The following ARL6IP6 variants were observed in gnomAD, a reference collection of about 807,000 sequenced individuals.
The protein encoded by ARL6IP6 is ADP-ribosylation factor-like protein 6-interacting protein 6.
In ARL6IP6, 22 loss-of-function variants were observed where a neutral mutation model predicts 21.5. The observed-to-expected ratio is 1.02, with a 90% CI of 0.73 to 1.46. The LOEUF (loss-of-function observed/expected upper bound fraction) is 1.46. Ranked by LOEUF, ARL6IP6 falls within the 40% of genes most tolerant of loss-of-function variation. The pLI, the probability that ARL6IP6 is intolerant of heterozygous loss-of-function variation, is 0.00. For missense variants in ARL6IP6, 388 were observed against 299.8 expected (o/e 1.29, Z -2.17); for synonymous variants, 164 against 125.3 (o/e 1.31, Z -2.06).
rs376028218 is a variant in ARL6IP6, at chr2:152,735,030, G to C, written c.491G>C (p.Gly164Ala). The change falls in exon 3 of 4, where the codon GGA becomes GCA. Residue 164 changes from glycine to alanine, a missense_variant. Transcript: ENST00000326446. ...CTACTTATAATATCCCTAACTGCTG[G>C]ATTCTCCTGTTGCAGCTTTTCTTGG... ...WTLLIISLTAGFSCCSFSWTV... is the reference protein window; with the variant it reads ...WTLLIISLTAAFSCCSFSWTV... 2 of 1,613,134 alleles carry C rather than the reference G, an allele frequency of 1.2e-6. No individual in the cohort carries two copies. Among genetic ancestry groups the C allele is most frequent in the African/African-American group, 2.7e-5 (2 of 74,852 alleles).
At chr2:152,717,684 G>A, upstream of ARL6IP6, 1 of 1,408,754 alleles carries the variant, frequency 7.1e-7, no homozygotes, top group Non-Finnish European at 9.2e-7. Context: ...GTCCTCCGTC[G>A]GGAAAACTCT....
chr2:152,740,713 G>A (rs993764129), intron 3 of ARL6IP6, among the ~76,000 whole-genome samples: 3 of 151,010 alleles, frequency 2.0e-5, no homozygotes, highest in African/African-American at 7.3e-5. Context: ...CAAAAGGATT[G>A]CTTGAGCCCA....
At chr2:152,719,775 C>CTTTTTTTTTTA in intron 1 of ARL6IP6, 1 of 173,338 alleles carries the variant, frequency 5.8e-6, no homozygotes, top group South Asian at 6.3e-5. Context: ...AAAAAAAAAA[C>CTTTTTTTTTTA]AAAAGAACTT....
intron 3 of ARL6IP6, among the ~76,000 whole-genome samples, chr2:152,748,682 G>A (rs571276066): frequency 2.6e-5 from 4 of 152,316 alleles, no homozygotes; most frequent in South Asian, 2.1e-4. Context: ...AGCACAGAGC[G>A]CTTTCTGCTT....
At chr2:152,758,514 A>G (rs1031152749) in intron 3 of ARL6IP6, among the ~76,000 whole-genome samples, 5 of 152,190 alleles carry the variant, frequency 3.3e-5, no homozygotes, top group African/African-American at 1.2e-4. Context: ...ACAAAGCATT[A>G]TACCTATTTT....
chr2:152,738,445 C>A (rs1044654951), intron 3 of ARL6IP6, among the ~76,000 whole-genome samples: 6 of 152,224 alleles, frequency 3.9e-5, no homozygotes, highest in Non-Finnish European at 8.8e-5. Flanking sequence ...GAGAGGTTCT[C>A]CATGAGGGCT....
intron 3 of ARL6IP6, among the ~76,000 whole-genome samples, chr2:152,758,213 T>C (rs575669872): frequency 6.6e-6 from 1 of 152,254 alleles, no homozygotes; most frequent in African/African-American, 2.4e-5. Context: ...TTATACCTAA[T>C]ACAATGTAAA....
intron 2 of ARL6IP6, among the ~76,000 whole-genome samples, chr2:152,722,880 C>T (rs1205494031): frequency 6.6e-6 from 1 of 152,198 alleles, no homozygotes; most frequent in Non-Finnish European, 1.5e-5. Flanking sequence ...TGCATTCCAT[C>T]CTCAGCAACA....
At chr2:152,757,226 C>A (rs1369902757) in intron 3 of ARL6IP6, among the ~76,000 whole-genome samples, 7 of 152,124 alleles carry the variant, frequency 4.6e-5, no homozygotes, top group Admixed American at 4.6e-4. Flanking sequence ...ACCTCAAGAT[C>A]TGCAGGAGGT....
At chr2:152,750,969 G>GC (rs1277869696) in intron 3 of ARL6IP6, among the ~76,000 whole-genome samples, 1 of 152,098 alleles carries the variant, frequency 6.6e-6, no homozygotes, top group Non-Finnish European at 1.5e-5. Context: ...AAATATATAA[G>GC]CCTTGTAAAT....
At chr2:152,752,084 G>A (rs1282356086) in intron 3 of ARL6IP6, among the ~76,000 whole-genome samples, 1 of 152,088 alleles carries the variant, frequency 6.6e-6, no homozygotes, top group Non-Finnish European at 1.5e-5. Flanking sequence ...TTCTGATCAG[G>A]CTTATTCTTC....
At chr2:152,754,046 G>GTT (rs369786630) in intron 3 of ARL6IP6, among the ~76,000 whole-genome samples, 11 of 143,932 alleles carry the variant, frequency 7.6e-5, no homozygotes, top group African/African-American at 1.8e-4. Context: ...TTTGTTTTTT[G>GTT]TTTTTTTTTT....
At chr2:152,718,491 C>A (rs1399437502), upstream of ARL6IP6, 2 of 1,319,738 alleles carry the variant, frequency 1.5e-6, no homozygotes, top group African/African-American at 1.5e-5. Flanking sequence ...GCCGCCCACC[C>A]TTGCTCTCCG....
At chr2:152,737,024 A>G (rs1559232882) in intron 3 of ARL6IP6, among the ~76,000 whole-genome samples, 4 of 152,192 alleles carry the variant, frequency 2.6e-5, no homozygotes, top group Non-Finnish European at 5.9e-5. Context: ...ACAGCCCTCT[A>G]TTGGTTAAAA....
chr2:152,759,386 C>T (rs1701729170), intron 3 of ARL6IP6, among the ~76,000 whole-genome samples: 1 of 152,088 alleles, frequency 6.6e-6, no homozygotes, highest in African/African-American at 2.4e-5. Context: ...AAACACACCG[C>T]TAATTAATGA....
intron 1 of ARL6IP6, among the ~76,000 whole-genome samples, chr2:152,719,333 A>T (rs925709656): frequency 1.3e-5 from 2 of 152,206 alleles, no homozygotes; most frequent in African/African-American, 4.8e-5. Flanking sequence ...AAAATGCGAA[A>T]CACCCACCAT....
chr2:152,739,317 A>C (rs993047815), intron 3 of ARL6IP6, among the ~76,000 whole-genome samples: 1 of 152,050 alleles, frequency 6.6e-6, no homozygotes, highest in Non-Finnish European at 1.5e-5. Context: ...ACCCAAGTCA[A>C]CTCTTGAGTG....
At chr2:152,721,525 C>G (rs771363645) in intron 2 of ARL6IP6, among the ~76,000 whole-genome samples, 1 of 152,148 alleles carries the variant, frequency 6.6e-6, no homozygotes, top group East Asian at 1.9e-4. Flanking sequence ...TTTACCTGTC[C>G]AGCATATTTT....
rs1699741547 is a variant in ARL6IP6 at position 152,720,576 on chromosome 2, T to C, written c.444T>C (p.Thr148=). The C allele has an allele frequency of 8.1e-6, 13 of 1,613,910 alleles. No individual in the cohort carries two copies. In the South Asian group the frequency reaches 1.3e-4, roughly 16 times the overall value. ...ENLKNEDDVD[T]GLLGFWTLLI... is the part of the protein sequence containing the mutation. ...TGAAAAATGAAGATGATGTAGACACTGGACTATTAGGTATGGACTTAATTG... is the reference window on the plus strand; with the variant it reads ...TGAAAAATGAAGATGATGTAGACACCGGACTATTAGGTATGGACTTAATTG... The change falls in exon 2 of 4, where the codon ACT becomes ACC. Residue 148 remains threonine, a synonymous_variant. Transcript: ENST00000326446.
Sources: gnomAD v4.1 joint callset for allele counts (sites outside exome capture counted in the v4.1 genomes callset) on GRCh38, gnomAD v4.1.1 for gene constraint, MANE v1.5 for transcripts, NCBI Gene and HGNC (gene_info 2026-07-23, HGNC 2026-07-21) for gene names.